C10orf53: variants seen among roughly 807,000 people sequenced by gnomAD.
C10orf53 encodes chromosome 10 open reading frame 53, also known as UPF0728 protein C10orf53.
In C10orf53, 8 loss-of-function variants were observed where a neutral mutation model predicts 9.4. The observed-to-expected ratio is 0.85, with a 90% confidence interval of 0.50 to 1.53. The LOEUF (loss-of-function observed/expected upper bound fraction) is 1.53. Ranked by LOEUF, C10orf53 falls within the 40% of genes most tolerant of loss-of-function variation. The pLI is 0.00. For missense variants in C10orf53, 117 were observed against 117.8 expected (o/e 0.99, Z 0.03); for synonymous variants, 48 against 46.0 (o/e 1.04, Z -0.18).
chr10:49,708,873 T>A, exon 3 of C10orf53: 1 of 541,836 alleles, frequency 1.8e-6, no homozygotes, highest in Non-Finnish European at 3.2e-6. Flanking sequence ...TTTGGGAACT[T>A]GGGGACAGCC....
intron 1 of C10orf53, among the ~76,000 whole-genome samples, chr10:49,683,360 T>A (rs1840497719): frequency 6.6e-6 from 1 of 152,236 alleles, no homozygotes; most frequent in South Asian, 2.1e-4. Context: ...GCCCATTTTT[T>A]AAATTGGGTT....
chr10:49,694,888 A>T lies in C10orf53; in HGVS notation c.*286A>T. The T allele has an allele frequency of 2.5e-6, 3 of 1,192,528 alleles. No homozygotes were observed. Among genetic ancestry groups the T allele is most frequent in the Non-Finnish European group, 3.1e-6 (3 of 960,168 alleles). 73.9% of individuals were successfully genotyped at this position (1,192,528 alleles called of 1,614,324 possible). A position where few individuals can be genotyped will look rare whatever the true frequency, so the allele number is the denominator to read the frequency against. On this transcript the variant is annotated 3_prime_UTR_variant, in exon 3 of 3. Coordinates refer to ENST00000374111, the MANE Select transcript of C10orf53 (RefSeq NM_001042427.3). ...CACATTGAGCTGAAGGAAACAATAAAATGCAATCAAATAACAAGGTGCCAT... is the reference window on the plus strand; with the variant it reads ...CACATTGAGCTGAAGGAAACAATAATATGCAATCAAATAACAAGGTGCCAT...
At chr10:49,708,039 C>G (rs1840734913) in intron 2 of C10orf53, among the ~76,000 whole-genome samples, 1 of 152,142 alleles carries the variant, frequency 6.6e-6, no homozygotes, top group South Asian at 2.1e-4. Context: ...ACTGGCCCAT[C>G]TCCTGGTTCT....
In C10orf53 at chr10:49,687,841, A is replaced by C. The variant is rs572459803; in HGVS notation, c.98-5933A>C. On this transcript the variant is annotated intron_variant, in intron 1 of 2. Coordinates refer to ENST00000374111, the MANE Select transcript of C10orf53 (RefSeq NM_001042427.3). ...CATCCTTGGCAACAGGAAGCCAGTG[A>C]AGGTTCTTGAGCTAAAGGATGATGA... 3.1e-4 allele frequency among the ~76,000 whole-genome samples: 47 copies of C among 152,276 alleles called. 1 individual carries two copies. Among genetic ancestry groups the C allele is most frequent in the Middle Eastern group, 6.8e-3 (2 of 294 alleles).
chr10:49,701,838 C>T (rs182849627), downstream of C10orf53, among the ~76,000 whole-genome samples: 4 of 152,292 alleles, frequency 2.6e-5, no homozygotes, highest in Non-Finnish European at 5.9e-5. Context: ...ATGACGATCT[C>T]TTCTCTTTAC....
intron 1 of C10orf53, among the ~76,000 whole-genome samples, chr10:49,690,936 C>T (rs1473160660): frequency 1.3e-5 from 2 of 152,158 alleles, no homozygotes; most frequent in African/African-American, 2.4e-5. Context: ...CCACCAGCAC[C>T]GGCAAGGAGG....
intron 1 of C10orf53, among the ~76,000 whole-genome samples, chr10:49,689,355 A>T (rs909195850): frequency 1.3e-5 from 2 of 152,204 alleles, no homozygotes; most frequent in Admixed American, 6.5e-5. Context: ...TCTAGGAGAG[A>T]AGAATTCATG....
At chr10:49,687,352 T>C (rs1383938857) in intron 1 of C10orf53, among the ~76,000 whole-genome samples, 2 of 152,248 alleles carry the variant, frequency 1.3e-5, no homozygotes, top group African/African-American at 4.8e-5. Context: ...ACTCCCCATC[T>C]AGTTTGTCCA....
exon 3 of C10orf53, chr10:49,709,663 C>T (rs1840748569): frequency 6.6e-6 from 1 of 152,432 alleles, no homozygotes; most frequent in African/African-American, 2.4e-5. Context: ...TTCAGCCAGG[C>T]ATAAGAGACC....
chr10:49,680,912 T>C (rs1840473046), intron 1 of C10orf53, among the ~76,000 whole-genome samples: 1 of 152,236 alleles, frequency 6.6e-6, no homozygotes, highest in South Asian at 2.1e-4. Flanking sequence ...TGGAGGAATA[T>C]GTGGAATCGT....
rs1840499515 is a variant in C10orf53, at chr10:49,683,595, C to T, written c.97+3801C>T. Among the ~76,000 whole-genome samples the T allele has an allele frequency of 2.0e-5, 3 of 152,106 alleles. No homozygotes were observed. The South Asian group carries it at 6.2e-4, about 32-fold the overall frequency. On this transcript the variant is annotated intron_variant, in intron 1 of 2. Coordinates refer to ENST00000374111, the MANE Select transcript of C10orf53 (RefSeq NM_001042427.3). ...ATGCTGTTTAAGAAACCATTGTCTG[C>T]TGGGCATGGTGGCTCATACCTGTAA...
At chr10:49,697,740 C>T (rs993170126), downstream of C10orf53, among the ~76,000 whole-genome samples, 2 of 152,038 alleles carry the variant, frequency 1.3e-5, no homozygotes, top group Admixed American at 6.6e-5. Context: ...TTAGTAAAGA[C>T]GGGCTTTCTC....
At chr10:49,698,404 G>A (rs192517286), downstream of C10orf53, among the ~76,000 whole-genome samples, 321 of 152,284 alleles carry the variant, frequency 2.1e-3, no homozygotes, top group Middle Eastern at 3.4e-3. Flanking sequence ...TGGAGACGAA[G>A]GGAGGACTGA....
chr10:49,694,528 G>A lies in C10orf53; in HGVS notation c.218-10G>A, dbSNP rs922877276. On this transcript the variant is annotated splice_polypyrimidine_tract_variant and intron_variant, in intron 2 of 2. Transcript: ENST00000374111. ...AGCTAACCAAAAGACAATTATATCT[G>A]TTTCCCTAGGAGGCGATGGTAAACT... 21 of 1,613,960 alleles carry A rather than the reference G, an allele frequency of 1.3e-5. No individual in the cohort carries two copies. The highest frequency in any genetic ancestry group is 1.8e-5 in the Non-Finnish European group (21 of 1,179,968).
At chr10:49,698,472 T>A (rs1019117690), downstream of C10orf53, among the ~76,000 whole-genome samples, 2 of 152,200 alleles carry the variant, frequency 1.3e-5, no homozygotes, top group African/African-American at 4.8e-5. Context: ...CACTGGGATT[T>A]GTTACTCTGG....
At chr10:49,686,764 T>C (rs939436306) in intron 1 of C10orf53, among the ~76,000 whole-genome samples, 1 of 152,234 alleles carries the variant, frequency 6.6e-6, no homozygotes, top group Non-Finnish European at 1.5e-5. Flanking sequence ...TCGAACCCTG[T>C]TTCCTGTTAA....
intron 2 of C10orf53, chr10:49,694,293 G>C (rs1840613506): frequency 1.6e-6 from 1 of 612,094 alleles, no homozygotes; most frequent in East Asian, 2.8e-5. Context: ...TATGCCAGCA[G>C]TGCATGACAC....
At chr10:49,688,054 T>G (rs896322188) in intron 1 of C10orf53, among the ~76,000 whole-genome samples, 14 of 152,156 alleles carry the variant, frequency 9.2e-5, no homozygotes, top group African/African-American at 3.4e-4. Flanking sequence ...TAAATGACAT[T>G]TATATGCGAT....
intron 1 of C10orf53, among the ~76,000 whole-genome samples, chr10:49,692,214 C>A (rs1372011989): frequency 3.3e-5 from 5 of 152,202 alleles, no homozygotes; most frequent in African/African-American, 7.2e-5. Flanking sequence ...AAACAGGATG[C>A]AATATCATAA....
Sources: allele counts gnomAD v4.1 joint callset (sites outside exome capture counted in the v4.1 genomes callset), GRCh38; gene constraint gnomAD v4.1.1; transcripts MANE v1.5; gene names NCBI Gene and HGNC (gene_info 2026-07-23, HGNC 2026-07-21).